The following PCDH9 variants were observed in gnomAD, a reference collection of about 807,000 sequenced individuals.
PCDH9 encodes protocadherin 9.
PCDH9 carries 24 observed loss-of-function variants against 70.6 expected under a neutral mutation model. The ratio of observed to expected loss-of-function variants is 0.34; its 90% confidence interval spans 0.25 to 0.48. The LOEUF (loss-of-function observed/expected upper bound fraction) is 0.48. Ranked by LOEUF, PCDH9 falls within the 20% of genes least tolerant of loss-of-function variation. The probability of loss-of-function intolerance (pLI) is 0.99; values close to 1 mark genes in which losing one functional copy is unlikely to be tolerated. For synonymous variants in PCDH9, 562 were observed against 558.5 expected, an observed-to-expected ratio of 1.01 and a Z score of -0.09; for missense variants, 1,281 against 1,503.6, an observed-to-expected ratio of 0.85 and a Z score of 2.45.
At chr13:67,112,136 T>C (rs2086670611) in intron 2 of PCDH9, among the ~76,000 whole-genome samples, 1 of 152,208 alleles carries the variant, frequency 6.6e-6, no homozygotes, top group Non-Finnish European at 1.5e-5. Context: ...AACTTTCACA[T>C]GTGCTTCTGC....
chr13:66,581,746 A>G (rs900643488), intron 4 of PCDH9, among the ~76,000 whole-genome samples: 12 of 152,168 alleles, frequency 7.9e-5, no homozygotes, highest in Non-Finnish European at 2.9e-5. Flanking sequence ...TGTAAAAACA[A>G]GCAACTCAAT....
At chr13:66,616,365 A>G (rs992484932) in intron 4 of PCDH9, among the ~76,000 whole-genome samples, 2 of 151,134 alleles carry the variant, frequency 1.3e-5, no homozygotes, top group Non-Finnish European at 2.9e-5. Flanking sequence ...TATAAGTCTA[A>G]CATCTATTTT....
chr13:66,455,026 A>G (rs1958291041), intron 4 of PCDH9, among the ~76,000 whole-genome samples: 1 of 152,148 alleles, frequency 6.6e-6, no homozygotes, highest in Admixed American at 6.6e-5. Flanking sequence ...TTTATTTCTT[A>G]CATCTTTCAG....
intron 4 of PCDH9, among the ~76,000 whole-genome samples, chr13:66,439,470 A>C (rs1182224226): frequency 1.3e-5 from 2 of 152,198 alleles, no homozygotes; most frequent in Non-Finnish European, 2.9e-5. Flanking sequence ...GTAACTATTC[A>C]AGATGATGGA....
chr13:66,910,761 G>A (rs867518129), intron 2 of PCDH9, among the ~76,000 whole-genome samples: 5 of 152,194 alleles, frequency 3.3e-5, no homozygotes, highest in Middle Eastern at 6.8e-3. Flanking sequence ...TAGGTGCCAC[G>A]TACCGTAACC....
intron 4 of PCDH9, among the ~76,000 whole-genome samples, chr13:66,345,297 T>C (rs1312556250): frequency 6.6e-6 from 1 of 152,196 alleles, no homozygotes; most frequent in East Asian, 1.9e-4. Context: ...AAGTGAATTT[T>C]ATCAGCAGAA....
chr13:67,027,657 A>G (rs1371103674), intron 2 of PCDH9, among the ~76,000 whole-genome samples: 24 of 150,012 alleles, frequency 1.6e-4, no homozygotes, highest in African/African-American at 5.1e-4. Flanking sequence ...GAAAATTTTC[A>G]CAACCTACTC....
chr13:66,351,699 A>G (rs1367478151), intron 4 of PCDH9, among the ~76,000 whole-genome samples: 1 of 152,190 alleles, frequency 6.6e-6, no homozygotes, highest in Non-Finnish European at 1.5e-5. Context: ...TGACATGCCC[A>G]AAATCATCAA....
At chr13:66,364,556 T>G (rs1566271543) in intron 4 of PCDH9, among the ~76,000 whole-genome samples, 1 of 152,152 alleles carries the variant, frequency 6.6e-6, no homozygotes, top group East Asian at 1.9e-4. Flanking sequence ...GTAATACACT[T>G]GGAATATATG....
At chr13:66,359,734 GC>G (rs2138190553) in intron 4 of PCDH9, among the ~76,000 whole-genome samples, 1 of 152,116 alleles carries the variant, frequency 6.6e-6, no homozygotes, top group Non-Finnish European at 1.5e-5. Context: ...GAACAGGAAG[GC>G]CTGAATTAAA....
intron 4 of PCDH9, among the ~76,000 whole-genome samples, chr13:66,549,193 T>A (rs1270444529): frequency 1.3e-5 from 2 of 152,154 alleles, no homozygotes; most frequent in Non-Finnish European, 2.9e-5. Context: ...CAAGCCTATA[T>A]ATAAATGAAA....
intron 4 of PCDH9, among the ~76,000 whole-genome samples, chr13:66,618,692 C>A (rs1246634000): frequency 6.6e-6 from 1 of 152,112 alleles, no homozygotes; most frequent in Non-Finnish European, 1.5e-5. Context: ...TACTGATTTA[C>A]ATATCTATTT....
At chr13:66,437,303 A>C (rs1370466951) in intron 4 of PCDH9, among the ~76,000 whole-genome samples, 1 of 146,442 alleles carries the variant, frequency 6.8e-6, no homozygotes, top group Non-Finnish European at 1.5e-5. Context: ...GCTACTCAGG[A>C]GGCTGAGGCA....
chr13:66,403,968 T>C (rs61357083), intron 4 of PCDH9, among the ~76,000 whole-genome samples: 2,665 of 152,032 alleles, frequency 0.018, 94 homozygotes, highest in African/African-American at 0.06. Context: ...AAGAGAACAA[T>C]TGATTGGAGA....
chr13:67,041,245 A>C (rs1424114105), intron 2 of PCDH9, among the ~76,000 whole-genome samples: 1 of 152,178 alleles, frequency 6.6e-6, no homozygotes, highest in East Asian at 1.9e-4. Flanking sequence ...TGTGCTATTT[A>C]AATGGTGCAC....
intron 2 of PCDH9, chr13:67,203,265 G>A (rs2089260512): frequency 6.6e-6 from 1 of 152,004 alleles, no homozygotes; most frequent in South Asian, 2.1e-4. Flanking sequence ...AAAGCTTAAA[G>A]ACAATCATTT....
At chr13:66,822,010 T>A (rs1335975039) in intron 3 of PCDH9, among the ~76,000 whole-genome samples, 4 of 152,162 alleles carry the variant, frequency 2.6e-5, no homozygotes, top group African/African-American at 9.7e-5. Context: ...TTGAATTTGA[T>A]GCCTCAACCT....
chr13:66,813,214 T>C (rs1277782005), intron 3 of PCDH9, among the ~76,000 whole-genome samples: 3 of 152,196 alleles, frequency 2.0e-5, no homozygotes, highest in African/African-American at 7.2e-5. Context: ...GGAACAGAGA[T>C]GGACACTCAA....
chr13:66,936,540 G>A (rs1188817581), intron 2 of PCDH9, among the ~76,000 whole-genome samples: 4 of 152,156 alleles, frequency 2.6e-5, no homozygotes, highest in Non-Finnish European at 4.4e-5. Flanking sequence ...ACAGACAACA[G>A]TATAAATGAT....
Sources: allele counts gnomAD v4.1 joint callset (sites outside exome capture counted in the v4.1 genomes callset), GRCh38; gene constraint gnomAD v4.1.1; transcripts MANE v1.5; gene names NCBI Gene and HGNC (gene_info 2026-07-23, HGNC 2026-07-21).